Variants in ZFHX3 observed in about 807,000 individuals in gnomAD.
The protein encoded by ZFHX3 is zinc finger homeobox 3.
In ZFHX3, 42 loss-of-function variants were observed where a neutral mutation model predicts 279.1. That is an observed-to-expected ratio of 0.15 (90% CI 0.12 to 0.19). ZFHX3 has a LOEUF of 0.19. ZFHX3 is among the 10% of genes least tolerant of loss of function. ZFHX3 has a pLI of 1.00. For synonymous variants in ZFHX3, 2,293 were observed against 1,957.8 expected (o/e 1.17, Z -4.52); for missense variants, 4,981 against 4,754.0 (o/e 1.05, Z -1.40).
chr16:73,809,684 C>T (rs1005113801), intron 1 of ZFHX3: 3 of 152,204 alleles, frequency 2.0e-5, no homozygotes, highest in African/African-American at 7.2e-5. Flanking sequence ...CATCAGTCTC[C>T]AGATCTGGGC....
intron 1 of ZFHX3, among the ~76,000 whole-genome samples, chr16:73,716,330 TAC>T (rs781775431): frequency 8.5e-5 from 13 of 152,104 alleles, no homozygotes; most frequent in Non-Finnish European, 1.9e-4. Flanking sequence ...AGCCCAAATA[TAC>T]AAGATTGTTT....
chr16:73,338,903 C>T (rs532402511), intron 3 of ZFHX3, among the ~76,000 whole-genome samples: 140 of 152,194 alleles, frequency 9.2e-4, no homozygotes, highest in African/African-American at 2.5e-3. Context: ...AAGATCTGAT[C>T]GTTTAAAAAA....
intron 1 of ZFHX3, among the ~76,000 whole-genome samples, chr16:73,033,528 CGG>C (rs1567642834): frequency 6.7e-6 from 1 of 150,182 alleles, no homozygotes; most frequent in Non-Finnish European, 1.5e-5. Flanking sequence ...AGGGGGCAGG[CGG>C]GGGGTGGGGG....
chr16:73,487,010 C>T, intron 2 of ZFHX3: 2 of 340,180 alleles, frequency 5.9e-6, no homozygotes. Context: ...AAAAATAAGA[C>T]TTATAAATGG....
chr16:73,656,081 G>C (rs576854508), intron 2 of ZFHX3, among the ~76,000 whole-genome samples: 1 of 152,242 alleles, frequency 6.6e-6, no homozygotes, highest in East Asian at 1.9e-4. Context: ...TTGAATCAGG[G>C]GTTGGCAAAC....
intron 1 of ZFHX3, among the ~76,000 whole-genome samples, chr16:73,005,332 T>A (rs1963663689): frequency 6.6e-6 from 1 of 151,132 alleles, no homozygotes; most frequent in Non-Finnish European, 1.5e-5. Flanking sequence ...CAGTCTCTAC[T>A]AAAAATACAA....
intron 6 of ZFHX3, among the ~76,000 whole-genome samples, chr16:73,134,876 C>T (rs1318964468): frequency 6.6e-6 from 1 of 151,862 alleles, no homozygotes; most frequent in South Asian, 2.1e-4. Flanking sequence ...TTCTCTTCTC[C>T]CTTCTAGCAT....
intron 2 of ZFHX3, among the ~76,000 whole-genome samples, chr16:73,610,845 A>G (rs8044303): frequency 0.24 from 36,910 of 152,126 alleles, 4,924 homozygotes; most frequent in African/African-American, 0.35. Context: ...CATAGATTCT[A>G]AATTCAAAGG....
At chr16:73,761,935 C>A (rs548125404) in intron 1 of ZFHX3, among the ~76,000 whole-genome samples, 1 of 151,810 alleles carries the variant, frequency 6.6e-6, no homozygotes, top group Non-Finnish European at 1.5e-5. Flanking sequence ...AAAAATTTCA[C>A]GACAAAGATG....
chr16:73,752,138 C>T (rs548393299), intron 1 of ZFHX3, among the ~76,000 whole-genome samples: 7 of 152,210 alleles, frequency 4.6e-5, no homozygotes, highest in South Asian at 2.1e-4. Flanking sequence ...GCCATTTATA[C>T]GTAGGAGAGT....
At chr16:73,416,114 C>G (rs1020123256) in intron 3 of ZFHX3, among the ~76,000 whole-genome samples, 1 of 136,608 alleles carries the variant, frequency 7.3e-6, no homozygotes, top group Non-Finnish European at 1.5e-5. Context: ...AAGAGCAAGA[C>G]TCCATCTCAA....
intron 4 of ZFHX3, among the ~76,000 whole-genome samples, chr16:73,296,648 C>T (rs1026235693): frequency 5.3e-5 from 8 of 152,048 alleles, no homozygotes; most frequent in African/African-American, 1.9e-4. Context: ...TAGAATTCAC[C>T]CCCTTGATCT....
chr16:73,761,336 G>A (rs965167715), intron 1 of ZFHX3, among the ~76,000 whole-genome samples: 1 of 151,762 alleles, frequency 6.6e-6, no homozygotes, highest in African/African-American at 2.4e-5. Flanking sequence ...AAGTAAGAGA[G>A]GACAGATGGA....
rs778270473 is a variant in ZFHX3 at position 72,796,186 on chromosome 16, T to C, written c.6496A>G (p.Ile2166Val). Residue 2166 changes from isoleucine (I) to valine (V), a missense_variant, in exon 9 of 10, where the codon ATT becomes GTT. Physicochemically the swap from Ile to Val is conservative, Grantham distance 29 (BLOSUM62 3). Around this residue, in one of 7 missense-constraint regions of ZFHX3, gnomAD observed 177 missense variants for 244.2 expected, o/e 0.72. Coordinates refer to ENST00000268489, the MANE Select transcript of ZFHX3 (RefSeq NM_006885.4). ...QLRVLRQYFD[I>V]NNSPSEEQIK... The stretch of plus-strand genomic sequence containing the variant: ...TGCTCTTCACTGGGGGAGTTGTTAA[T>C]GTCAAAATATTGCCGCAAGACTCGG... 6.2e-7 allele frequency: 1 copy of C among 1,614,126 alleles called. No individual in the cohort carries two copies. Among genetic ancestry groups the C allele is most frequent in the Admixed American group, 1.7e-5 (1 of 60,022 alleles).
chr16:72,906,712 C>G (rs1306878882), intron 3 of ZFHX3, among the ~76,000 whole-genome samples: 1 of 152,162 alleles, frequency 6.6e-6, no homozygotes, highest in African/African-American at 2.4e-5. Flanking sequence ...GCAGGAGAAT[C>G]ACTTGAGCCT....
intron 5 of ZFHX3, among the ~76,000 whole-genome samples, chr16:72,813,186 AAAGT>A (rs1415487984): frequency 6.6e-6 from 1 of 152,228 alleles, no homozygotes; most frequent in Admixed American, 6.5e-5. Context: ...TAAGAAAAAA[AAAGT>A]AATAAAAGTG....
At chr16:73,750,456 A>G (rs2053751639) in intron 1 of ZFHX3, among the ~76,000 whole-genome samples, 2 of 152,224 alleles carry the variant, frequency 1.3e-5, no homozygotes, top group Non-Finnish European at 2.9e-5. Flanking sequence ...GCAGTGGAAG[A>G]CTGGCACACA....
At chr16:72,840,717 C>T (rs189309780) in intron 4 of ZFHX3, among the ~76,000 whole-genome samples, 1 of 152,182 alleles carries the variant, frequency 6.6e-6, no homozygotes, top group Non-Finnish European at 1.5e-5. Context: ...TTCACCCTTG[C>T]GAAGCACAGA....
At chr16:73,486,016 G>A (rs575914872) in intron 2 of ZFHX3, among the ~76,000 whole-genome samples, 9 of 152,266 alleles carry the variant, frequency 5.9e-5, no homozygotes, top group Admixed American at 2.0e-4. Context: ...CCAGTGTCTG[G>A]CACATAGCAG....
Sources: gnomAD v4.1 joint callset for allele counts (sites outside exome capture counted in the v4.1 genomes callset) on GRCh38, gnomAD v4.1.1 for gene constraint, gnomAD v4.1.1 regional missense constraint, MANE v1.5 for transcripts, NCBI Gene and HGNC (gene_info 2026-07-23, HGNC 2026-07-21) for gene names.